IL7: variants seen among roughly 807,000 people sequenced by gnomAD.
IL7 encodes the protein interleukin-7.
IL7 carries 3 observed loss-of-function variants against 21.6 expected under a neutral mutation model. The observed-to-expected ratio is 0.14, with a 90% confidence interval of 0.06 to 0.36. IL7 has a LOEUF of 0.36. IL7 is among the 10% of genes least tolerant of loss of function. The pLI is 1.00. For missense variants in IL7, 175 were observed against 200.2 expected (o/e 0.87, Z 0.76); for synonymous variants, 62 against 68.1 (o/e 0.91, Z 0.44).
chr8:78,703,921 T>A (rs925432796), intron 3 of IL7, among the ~76,000 whole-genome samples: 1 of 152,224 alleles, frequency 6.6e-6, no homozygotes, highest in Non-Finnish European at 1.5e-5. Context: ...TGGCTCGTAA[T>A]TGTCTTTTCT....
At chr8:78,736,682 G>T (rs1419766669) in intron 4 of IL7, among the ~76,000 whole-genome samples, 155 bp from the exon 5 acceptor site, 1 of 152,024 alleles carries the variant, frequency 6.6e-6, no homozygotes, top group Non-Finnish European at 1.5e-5. Context: ...ATATTAATAT[G>T]ATTTAGAAAT....
chr8:78,701,293 TA>T (rs1285919403), intron 3 of IL7, among the ~76,000 whole-genome samples: 1 of 152,216 alleles, frequency 6.6e-6, no homozygotes, highest in Admixed American at 6.5e-5. Flanking sequence ...GCTCTCTGCT[TA>T]GCTGTTATTA....
At chr8:78,774,002 G>A (rs932483640) in intron 2 of IL7, among the ~76,000 whole-genome samples, 2 of 151,824 alleles carry the variant, frequency 1.3e-5, no homozygotes, top group Non-Finnish European at 2.9e-5. Flanking sequence ...AGTTTGGAAC[G>A]CCACTGTGAA....
downstream of IL7, among the ~76,000 whole-genome samples, chr8:78,716,336 G>A (rs370700393): frequency 1.7e-4 from 26 of 151,784 alleles, no homozygotes; most frequent in African/African-American, 5.3e-4. Context: ...TGTTAGCCAC[G>A]ATGGTCTTGA....
chr8:78,753,212 G>A (rs551127838), intron 2 of IL7, among the ~76,000 whole-genome samples: 1 of 152,126 alleles, frequency 6.6e-6, no homozygotes, highest in Non-Finnish European at 1.5e-5. Flanking sequence ...GTGCAAAAAC[G>A]TTCCTATTTC....
intron 3 of IL7, among the ~76,000 whole-genome samples, chr8:78,700,405 G>A (rs1810561878): frequency 6.6e-6 from 1 of 151,864 alleles, no homozygotes; most frequent in South Asian, 2.1e-4. Flanking sequence ...CTGGGTATTA[G>A]ACTTTTGTTG....
At chr8:78,717,606 T>C, downstream of IL7, 1 of 1,192,274 alleles carries the variant, frequency 8.4e-7, no homozygotes, top group South Asian at 1.6e-5. Context: ...GAAATACCAT[T>C]TCCAGTTAAT....
chr8:78,787,263 T>C (rs181247151), intron 2 of IL7, among the ~76,000 whole-genome samples: 47 of 151,954 alleles, frequency 3.1e-4, no homozygotes, highest in Admixed American at 2.9e-3. Context: ...GCATCTGAAA[T>C]GGGGGTGGAG....
chr8:78,738,478 T>C, intron 4 of IL7, 26 bp downstream of exon 4: 1 of 1,593,318 alleles, frequency 6.3e-7, no homozygotes, highest in Non-Finnish European at 8.6e-7. Flanking sequence ...AATATTTTTA[T>C]TCAAAGTAAA....
At chr8:78,775,918 T>C (rs1388710467) in intron 2 of IL7, among the ~76,000 whole-genome samples, 1 of 152,052 alleles carries the variant, frequency 6.6e-6, no homozygotes. Flanking sequence ...GGTTATTAAA[T>C]AGCCACTTCT....
At chr8:78,715,143 T>C (rs570058078), downstream of IL7, 3 of 1,241,220 alleles carry the variant, frequency 2.4e-6, no homozygotes, top group South Asian at 3.0e-5. Context: ...GTATTCTTTC[T>C]AGTCATGTGA....
At chr8:78,755,646 T>C (rs558173517) in intron 2 of IL7, among the ~76,000 whole-genome samples, 3 of 152,060 alleles carry the variant, frequency 2.0e-5, no homozygotes, top group African/African-American at 7.2e-5. Flanking sequence ...TTCATTATGA[T>C]ATAAAAAAAT....
intron 2 of IL7, chr8:78,760,532 A>G (rs1343144752): frequency 4.6e-6 from 7 of 1,537,954 alleles, no homozygotes; most frequent in Non-Finnish European, 5.2e-6. Flanking sequence ...AGGATTGGGT[A>G]AGTCACTTCT....
intron 1 of IL7, 42 bp from the exon 2 acceptor site, chr8:78,798,250 G>A (rs776286681): frequency 1.1e-5 from 16 of 1,430,142 alleles, no homozygotes; most frequent in South Asian, 3.8e-5. Flanking sequence ...ATGTTATATC[G>A]TATTGCATTT....
intron 2 of IL7, among the ~76,000 whole-genome samples, chr8:78,771,213 TTC>T (rs1812938335): frequency 7.2e-6 from 1 of 139,442 alleles, no homozygotes; most frequent in Non-Finnish European, 1.7e-5. Context: ...TCATTCCTAT[TTC>T]TCTCTCTCCA....
chr8:78,755,217 G>A (rs1287414044), intron 2 of IL7, among the ~76,000 whole-genome samples: 1 of 151,468 alleles, frequency 6.6e-6, no homozygotes, highest in Non-Finnish European at 1.5e-5. Flanking sequence ...GTGCTATGTT[G>A]TTTTGGTTAT....
chr8:78,718,500 A>G (rs1443782841), intron 6 of IL7: 1 of 151,342 alleles, frequency 6.6e-6, no homozygotes, highest in Non-Finnish European at 1.5e-5. Context: ...AAATATTTGA[A>G]TTTTTTTTTC....
At chr8:78,804,569 C>A (rs1814238387) in intron 1 of IL7, among the ~76,000 whole-genome samples, 1 of 152,192 alleles carries the variant, frequency 6.6e-6, no homozygotes. Flanking sequence ...ACGGGAAGGG[C>A]GCCAGACAGA....
downstream of IL7, among the ~76,000 whole-genome samples, chr8:78,715,555 A>G (rs1289251485): frequency 6.6e-6 from 1 of 152,172 alleles, no homozygotes; most frequent in Non-Finnish European, 1.5e-5. Context: ...TATGTGATTT[A>G]TGGGAGGAGG....
Sources: allele counts gnomAD v4.1 joint callset (sites outside exome capture counted in the v4.1 genomes callset), GRCh38; gene constraint gnomAD v4.1.1; transcripts MANE v1.5; gene names NCBI Gene and HGNC (gene_info 2026-07-23, HGNC 2026-07-21).